The following SGIP1 variants were observed in gnomAD, a reference collection of about 807,000 sequenced individuals.
SGIP1 encodes the protein SH3-containing GRB2-like protein 3-interacting protein 1.
SGIP1 carries 38 observed loss-of-function variants against 107.5 expected under a neutral mutation model. The observed-to-expected ratio is 0.35, with a 90% CI of 0.27 to 0.46. The LOEUF (loss-of-function observed/expected upper bound fraction) is 0.46. Among genes scored for constraint, SGIP1 ranks in the 20% least tolerant of loss-of-function variants. The pLI is 1.00. For missense variants in SGIP1, 929 were observed against 1,019.5 expected, an observed-to-expected ratio of 0.91 and a Z score of 1.21; for synonymous variants, 365 against 366.1, an observed-to-expected ratio of 1.00 and a Z score of 0.03.
At chr1:66,675,537 C>CTTTTTTTTTTTTTTTTTTTTTGTT (rs141370211) in intron 12 of SGIP1, among the ~76,000 whole-genome samples, 1 of 109,242 alleles carries the variant, frequency 9.2e-6, no homozygotes, top group African/African-American at 4.1e-5. Context: ...TTTTCTTTTT[C>CTTTTTTTTTTTTTTTTTTTTTGTT]TTTCTTTTTT....
At chr1:66,631,705 CTCTCTCTCTCTCTCTCTCTCTCTT>C (rs1164751013) in intron 2 of SGIP1, among the ~76,000 whole-genome samples, 19 of 147,272 alleles carry the variant, frequency 1.3e-4, no homozygotes, top group Non-Finnish European at 2.2e-4. Flanking sequence ...CTCTCTCTCT[CTCTCTCTCTCTCTCTCTCTCTCTT>C]CTCACGGGCT....
At chr1:66,622,611 T>C (rs2071440387) in intron 1 of SGIP1, among the ~76,000 whole-genome samples, 1 of 152,156 alleles carries the variant, frequency 6.6e-6, no homozygotes, top group African/African-American at 2.4e-5. Flanking sequence ...CAAAAGAAGC[T>C]AAAGGAATCT....
chr1:66,732,772 A>G (rs1422060022), intron 20 of SGIP1, among the ~76,000 whole-genome samples: 1 of 152,148 alleles, frequency 6.6e-6, no homozygotes, highest in African/African-American at 2.4e-5. Flanking sequence ...CTTTAAAAAC[A>G]AAGACAATAA....
At chr1:66,621,556 A>G (rs2071122400) in intron 1 of SGIP1, among the ~76,000 whole-genome samples, 1 of 152,186 alleles carries the variant, frequency 6.6e-6, no homozygotes, top group African/African-American at 2.4e-5. Context: ...CCAGAACTTT[A>G]TATCACCCCA....
intron 1 of SGIP1, among the ~76,000 whole-genome samples, chr1:66,572,827 C>A (rs1408251271): frequency 6.6e-6 from 1 of 151,936 alleles, no homozygotes; most frequent in Non-Finnish European, 1.5e-5. Context: ...TAATGAAGGA[C>A]AACTACAATG....
At position 66,630,904 on chromosome 1, in the gene SGIP1, A is replaced by AAGGAAAGAAGGGAGGG. The variant is rs1296769118; in HGVS notation, c.75-2163_75-2162insAAAGAAGGGAGGGAGG. Among the ~76,000 whole-genome samples, 6 of 9,292 alleles carry AAGGAAAGAAGGGAGGG rather than the reference A, an allele frequency of 6.5e-4. 2 individuals carry two copies. Among genetic ancestry groups the AAGGAAAGAAGGGAGGG allele is most frequent in the African/African-American group, 3.8e-3 (6 of 1,574 alleles). The allele number at this position is 9,292 out of a possible 152,430, so 6.1% of individuals were successfully genotyped here. On this transcript the variant is annotated intron_variant, in intron 2 of 24. Transcript: ENST00000371037. ...GAAAGAAAGAAAGAAAGAAAGAAAG[A>AAGGAAAGAAGGGAGGG]AGGGAGGGAGGGAGGGAGGAAGGAA...
intron 7 of SGIP1, among the ~76,000 whole-genome samples, chr1:66,651,741 C>T (rs2078795208): frequency 6.6e-6 from 1 of 152,094 alleles, no homozygotes; most frequent in Non-Finnish European, 1.5e-5. Context: ...TGAGTTGACA[C>T]CTTGCCAGGT....
intron 1 of SGIP1, among the ~76,000 whole-genome samples, chr1:66,537,672 C>G (rs1177296888): frequency 6.6e-6 from 1 of 151,910 alleles, no homozygotes; most frequent in East Asian, 1.9e-4. Flanking sequence ...AATTAACAAG[C>G]AAATATTTTT....
At chr1:66,541,086 T>G (rs961053389) in intron 1 of SGIP1, among the ~76,000 whole-genome samples, 1 of 152,260 alleles carries the variant, frequency 6.6e-6, no homozygotes, top group Non-Finnish European at 1.5e-5. Context: ...ATGTTGTTTA[T>G]TCTGCATCCA....
At chr1:66,630,894 AGAAAGAAAGAAGGGAGGGAGGGAGGGAG>A (rs2074306494) in intron 2 of SGIP1, among the ~76,000 whole-genome samples, 1 of 9,610 alleles carries the variant, frequency 1.0e-4, no homozygotes, top group Non-Finnish European at 2.1e-4. Flanking sequence ...AAAGAAAGAA[AGAAAGAAAGAAGGGAGGGAGGGAGGGAG>A]GAAGGAAGGA....
In SGIP1 at chr1:66,679,659, A is replaced by T; in HGVS notation, c.740-19A>T. The T allele has an allele frequency of 1.2e-6, 2 of 1,601,210 alleles. No individual in the cohort carries two copies. The highest frequency in any genetic ancestry group is 1.7e-6 in the Non-Finnish European group (2 of 1,176,174). On this transcript the variant is annotated intron_variant, in intron 13 of 24. Transcript: ENST00000371037. ...GGAAGCACATGACCAATGATACTTA[A>T]TTTCTCATCTTTTTGCAGCACCTCC...
At chr1:66,652,615 A>G (rs769230697) in intron 7 of SGIP1, among the ~76,000 whole-genome samples, 3 of 152,164 alleles carry the variant, frequency 2.0e-5, no homozygotes, top group Non-Finnish European at 4.4e-5. Flanking sequence ...TGCCTGTTCC[A>G]TGTGGCCCAC....
At position 66,746,332 on chromosome 1, in the gene SGIP1, C is replaced by T. The variant is rs574398994; in HGVS notation, c.*3237C>T. On this transcript the variant is annotated 3_prime_UTR_variant, in exon 25 of 25. Coordinates refer to ENST00000371037, the MANE Select transcript of SGIP1 (RefSeq NM_032291.4). Reference sequence around the variant, plus strand: ...TTTCTAATAAAATTGCACATGGAATCCTGGTAGGCAAAACAGCTCAAAGCA... The same window carrying T: ...TTTCTAATAAAATTGCACATGGAATTCTGGTAGGCAAAACAGCTCAAAGCA... 2.0e-4 allele frequency: 30 copies of T among 152,160 alleles called. No homozygotes were observed. Among genetic ancestry groups the T allele is most frequent in the Non-Finnish European group, 2.1e-4 (14 of 67,940 alleles). The allele number at this position is 152,160 out of a possible 1,614,324, so 9.4% of individuals were successfully genotyped here.
At chr1:66,683,796 C>T (rs573270247) in intron 15 of SGIP1, among the ~76,000 whole-genome samples, 63 of 145,378 alleles carry the variant, frequency 4.3e-4, no homozygotes, top group Non-Finnish European at 8.2e-4. Flanking sequence ...CCTCCGCCTC[C>T]GGGTTCAAGC....
intron 1 of SGIP1, among the ~76,000 whole-genome samples, chr1:66,603,303 G>C (rs1213387550): frequency 2.0e-5 from 3 of 152,038 alleles, no homozygotes; most frequent in Non-Finnish European, 4.4e-5. Flanking sequence ...GTGTACTAGG[G>C]TTATATAGAA....
At chr1:66,540,871 A>C (rs1397082923) in intron 1 of SGIP1, among the ~76,000 whole-genome samples, 1 of 152,136 alleles carries the variant, frequency 6.6e-6, no homozygotes, top group Non-Finnish European at 1.5e-5. Flanking sequence ...AAAATGAGAT[A>C]ATTGATGTGC....
intron 2 of SGIP1, among the ~76,000 whole-genome samples, chr1:66,630,818 A>AGAAG (rs2074140536): frequency 1.9e-4 from 1 of 5,214 alleles, no homozygotes; most frequent in Non-Finnish European, 2.9e-4. Flanking sequence ...AAAGAAAGAA[A>AGAAG]GAAAGAAAGA....
chr1:66,728,764 A>G (rs957438154), intron 19 of SGIP1, among the ~76,000 whole-genome samples: 2 of 152,218 alleles, frequency 1.3e-5, no homozygotes, highest in African/African-American at 4.8e-5. Flanking sequence ...ATGGAATACT[A>G]TGCAGCCATA....
chr1:66,648,105 G>C (rs2077986686), intron 7 of SGIP1, among the ~76,000 whole-genome samples: 1 of 152,190 alleles, frequency 6.6e-6, no homozygotes, highest in Admixed American at 6.5e-5. Flanking sequence ...TTCAGAGTTA[G>C]TGTGAGTTTG....
Sources: gnomAD v4.1 joint callset for allele counts (sites outside exome capture counted in the v4.1 genomes callset) on GRCh38, gnomAD v4.1.1 for gene constraint, MANE v1.5 for transcripts, NCBI Gene and HGNC (gene_info 2026-07-23, HGNC 2026-07-21) for gene names.